Variants in TENM3 observed in about 807,000 individuals in gnomAD.
The protein encoded by TENM3 is teneurin-3.
TENM3 carries 63 observed loss-of-function variants against 255.1 expected under a neutral mutation model. The ratio of observed to expected loss-of-function variants is 0.25; its 90% CI spans 0.20 to 0.30. TENM3 has a LOEUF of 0.30. Ranked by LOEUF, TENM3 falls within the 10% of genes least tolerant of loss-of-function variation. The probability of loss-of-function intolerance (pLI) is 1.00; values close to 1 mark genes in which losing one functional copy is unlikely to be tolerated. For missense variants in TENM3, 2,929 were observed against 3,461.1 expected (o/e 0.85, Z 3.86); for synonymous variants, 1,306 against 1,322.3 (o/e 0.99, Z 0.27).
chr4:181,513,156 T>C, the TENM3 span, among the ~76,000 whole-genome samples: 2 of 152,164 alleles, frequency 1.3e-5, no homozygotes, highest in Non-Finnish European at 2.9e-5. Flanking sequence ...TTTATACCAT[T>C]TTGAGTCATT....
At chr4:181,782,632 C>G in the TENM3 span, among the ~76,000 whole-genome samples, 518 of 152,240 alleles carry the variant, frequency 3.4e-3, 2 homozygotes, top group Non-Finnish European at 4.4e-3. Context: ...CAGTTCTTCT[C>G]TGATCTTAGT....
chr4:182,544,591 C>A (rs1271272964), intron 3 of TENM3, among the ~76,000 whole-genome samples: 1 of 151,920 alleles, frequency 6.6e-6, no homozygotes, highest in Non-Finnish European at 1.5e-5. Flanking sequence ...TGGGAGCCAC[C>A]GCGCCCGGCC....
chr4:181,961,578 T>C, the TENM3 span, among the ~76,000 whole-genome samples: 17 of 152,026 alleles, frequency 1.1e-4, no homozygotes, highest in African/African-American at 1.4e-4. Flanking sequence ...CGCCACCACG[T>C]CCGGCTAATT....
chr4:181,592,467 C>A, the TENM3 span, among the ~76,000 whole-genome samples: 2 of 151,536 alleles, frequency 1.3e-5, no homozygotes, highest in African/African-American at 2.4e-5. Flanking sequence ...GGACCGGTCG[C>A]GAAGCCCATG....
the TENM3 span, among the ~76,000 whole-genome samples, chr4:181,711,348 T>C: frequency 2.6e-5 from 4 of 152,164 alleles, no homozygotes; most frequent in Non-Finnish European, 5.9e-5. Flanking sequence ...ACAGCACATA[T>C]GGACCTAGAA....
chr4:182,541,106 A>C (rs1740838497), intron 3 of TENM3, among the ~76,000 whole-genome samples: 1 of 152,310 alleles, frequency 6.6e-6, no homozygotes, highest in South Asian at 2.1e-4. Flanking sequence ...TCAACTTCAA[A>C]CAGTTGGTAA....
chr4:182,750,545 G>C (rs73869823), intron 19 of TENM3, among the ~76,000 whole-genome samples: 196 of 152,298 alleles, frequency 1.3e-3, no homozygotes, highest in African/African-American at 4.5e-3. Context: ...AAATCATCAA[G>C]TAGTGAAAAT....
intron 6 of TENM3, among the ~76,000 whole-genome samples, chr4:182,655,091 G>C (rs983781551): frequency 6.6e-6 from 1 of 152,182 alleles, no homozygotes; most frequent in Non-Finnish European, 1.5e-5. Flanking sequence ...TGAAACTATA[G>C]ATTGGGAAAT....
chr4:182,675,038 A>G (rs1271874431), intron 7 of TENM3, among the ~76,000 whole-genome samples: 1 of 151,718 alleles, frequency 6.6e-6, no homozygotes, highest in Non-Finnish European at 1.5e-5. Flanking sequence ...CACTATGCCC[A>G]GCTAATTTTG....
At chr4:181,913,888 C>T in the TENM3 span, among the ~76,000 whole-genome samples, 1 of 152,102 alleles carries the variant, frequency 6.6e-6, no homozygotes, top group Non-Finnish European at 1.5e-5. Flanking sequence ...TCCTACAGTC[C>T]ATAGGATGTG....
At chr4:182,461,197 TG>T (rs1225473829) in intron 3 of TENM3, among the ~76,000 whole-genome samples, 1 of 152,242 alleles carries the variant, frequency 6.6e-6, no homozygotes, top group African/African-American at 2.4e-5. Context: ...CAAATTATCT[TG>T]CTTGGGCATC....
At chr4:181,777,328 T>A in the TENM3 span, among the ~76,000 whole-genome samples, 1 of 152,316 alleles carries the variant, frequency 6.6e-6, no homozygotes, top group African/African-American at 2.4e-5. Flanking sequence ...TAACAAATTT[T>A]GAAGTCAGAT....
At chr4:182,067,433 T>A in the TENM3 span, among the ~76,000 whole-genome samples, 22 of 152,176 alleles carry the variant, frequency 1.4e-4, no homozygotes, top group Non-Finnish European at 2.6e-4. Flanking sequence ...ACAAAGACAT[T>A]ACTGCGTGTA....
Position 182,742,231 on chromosome 4 carries a change from C to G in TENM3, c.3380-939C>G, listed in dbSNP as rs145887113. ...AAGCAATAAAATTACAATCTCAACT[C>G]AAATCTAATTTCTAACCATGAAAAT... On this transcript the variant is annotated intron_variant, in intron 18 of 27. Transcript: ENST00000511685. 3.6e-3 allele frequency among the ~76,000 whole-genome samples: 544 copies of G among 152,342 alleles called. 6 individuals carry two copies. The highest frequency in any genetic ancestry group is 0.013 in the African/African-American group (526 of 41,580).
chr4:182,264,544 G>A (rs1038942085), intron 1 of TENM3, among the ~76,000 whole-genome samples: 19 of 152,194 alleles, frequency 1.2e-4, no homozygotes, highest in East Asian at 1.2e-3. Context: ...TGGGAAAAAA[G>A]ACAGAGACTG....
At chr4:181,637,697 A>C in the TENM3 span, among the ~76,000 whole-genome samples, 4 of 152,204 alleles carry the variant, frequency 2.6e-5, no homozygotes, top group African/African-American at 9.7e-5. Context: ...CAAATGTGAG[A>C]GGGACACAGA....
At chr4:182,377,925 A>G (rs976837930) in intron 3 of TENM3, among the ~76,000 whole-genome samples, 2 of 152,130 alleles carry the variant, frequency 1.3e-5, no homozygotes, top group African/African-American at 2.4e-5. Context: ...GAAATAGAGC[A>G]AATGTGGTAG....
rs568638803 is a variant in TENM3, at chr4:182,713,782, C to T, written c.2222-305C>T. Among the ~76,000 whole-genome samples, 4 of 152,170 alleles carry T rather than the reference C, an allele frequency of 2.6e-5. No individual in the cohort carries two copies. In the South Asian group the frequency reaches 8.3e-4, roughly 32 times the overall value. On this transcript the variant is annotated intron_variant, in intron 12 of 27. Coordinates refer to ENST00000511685, the MANE Select transcript of TENM3 (RefSeq NM_001080477.4). ...GGCTTTTCCACACCGTACAATATAC[C>T]TTGTTGCTTGGCTAAAGGGAAAAAA...
chr4:181,649,061 T>C, the TENM3 span, among the ~76,000 whole-genome samples: 1 of 152,218 alleles, frequency 6.6e-6, no homozygotes, highest in Admixed American at 6.5e-5. Flanking sequence ...GGGGCAGTAT[T>C]CTTGTGGTTA....
Sources: allele counts gnomAD v4.1 joint callset (sites outside exome capture counted in the v4.1 genomes callset), GRCh38; gene constraint gnomAD v4.1.1; transcripts MANE v1.5; gene names NCBI Gene and HGNC (gene_info 2026-07-23, HGNC 2026-07-21).